CNBD1: variants seen among roughly 807,000 people sequenced by gnomAD.
CNBD1 encodes the protein cyclic nucleotide binding domain containing 1.
CNBD1 carries 71 observed loss-of-function variants against 54.4 expected under a neutral mutation model. The ratio of observed to expected loss-of-function variants is 1.30; its 90% CI spans 1.08 to 1.59. The LOEUF (loss-of-function observed/expected upper bound fraction) is 1.59, where lower values mean the gene tolerates loss of function less well. Ranked by LOEUF, CNBD1 falls within the 40% of genes most tolerant of loss-of-function variation. CNBD1 has a pLI of 0.00. For synonymous variants in CNBD1, 182 were observed against 170.7 expected (o/e 1.07, Z -0.51); for missense variants, 659 against 518.0 (o/e 1.27, Z -2.64).
intron 4 of CNBD1, among the ~76,000 whole-genome samples, chr8:87,200,250 A>G (rs1455883212): frequency 2.6e-5 from 4 of 152,136 alleles, no homozygotes; most frequent in Admixed American, 6.5e-5. Flanking sequence ...CTCACAGAAG[A>G]AATCAGTGAA....
chr8:87,086,731 G>A (rs1327277216), intron 4 of CNBD1, among the ~76,000 whole-genome samples: 1 of 152,040 alleles, frequency 6.6e-6, no homozygotes, highest in African/African-American at 2.4e-5. Flanking sequence ...AAATACAAAT[G>A]ATAAAATTGA....
chr8:86,918,723 A>G (rs1202709374), intron 3 of CNBD1, among the ~76,000 whole-genome samples: 2 of 150,566 alleles, frequency 1.3e-5, no homozygotes, highest in African/African-American at 4.9e-5. Flanking sequence ...ATCTCTTTTT[A>G]TTTATAAATT....
intron 4 of CNBD1, among the ~76,000 whole-genome samples, chr8:87,063,156 A>T (rs1483459279): frequency 6.6e-6 from 1 of 152,200 alleles, no homozygotes; most frequent in Non-Finnish European, 1.5e-5. Context: ...GTACTCAAGC[A>T]ACCCTATCAT....
chr8:87,424,734 C>T (rs1808014331), intron 2 of CNBD1, among the ~76,000 whole-genome samples: 3 of 152,200 alleles, frequency 2.0e-5, no homozygotes, highest in Non-Finnish European at 2.9e-5. Context: ...CCTGACCTTT[C>T]TCTCTGGCTG....
intron 6 of CNBD1, among the ~76,000 whole-genome samples, chr8:87,275,700 A>G (rs1048181648): frequency 6.6e-5 from 10 of 151,720 alleles, no homozygotes; most frequent in Non-Finnish European, 1.2e-4. Context: ...CCTATTCAAC[A>G]TAGTGTTGGA....
Position 87,272,823 on chromosome 8 carries a change from C to A in CNBD1, c.772-11855C>A, listed in dbSNP as rs753678969. Among the ~76,000 whole-genome samples, 4 of 151,994 alleles carry A rather than the reference C, an allele frequency of 2.6e-5. No homozygotes were observed. The East Asian group carries it at 7.7e-4, about 29-fold the overall frequency. ...TTAAGTTTTTAATAAACCTTATGTG[C>A]TAACTTTAAAAAATTTATGATTATT... On this transcript the variant is annotated intron_variant, in intron 6 of 10. Transcript: ENST00000518476.
chr8:87,254,892 T>A (rs1271587846), intron 6 of CNBD1, among the ~76,000 whole-genome samples: 1 of 152,196 alleles, frequency 6.6e-6, no homozygotes, highest in Non-Finnish European at 1.5e-5. Context: ...ATATTTAGCT[T>A]GCTAAATTAA....
Position 87,280,097 on chromosome 8 carries a change from T to G in CNBD1, c.772-4581T>G, listed in dbSNP as rs191027913. ...CCCTCAGACAATGGAATGCGTTAGGTCCCCATCAGATTCTCACATTCAGTT... is the reference window on the plus strand; with the variant it reads ...CCCTCAGACAATGGAATGCGTTAGGGCCCCATCAGATTCTCACATTCAGTT... On this transcript the variant is annotated intron_variant, in intron 6 of 10. Coordinates refer to ENST00000518476, the MANE Select transcript of CNBD1 (RefSeq NM_173538.3). 2.3e-3 allele frequency among the ~76,000 whole-genome samples: 350 copies of G among 151,644 alleles called. 1 individual carries two copies. Among genetic ancestry groups the G allele is most frequent in the Middle Eastern group, 6.8e-3 (2 of 294 alleles).
chr8:86,979,130 T>C lies in CNBD1; in HGVS notation c.431+39376T>C, dbSNP rs1808409639. 2.0e-5 allele frequency among the ~76,000 whole-genome samples: 3 copies of C among 152,104 alleles called. No homozygotes were observed. The South Asian group carries it at 6.2e-4, about 32-fold the overall frequency. On this transcript the variant is annotated intron_variant, in intron 4 of 10. Coordinates refer to ENST00000518476, the MANE Select transcript of CNBD1 (RefSeq NM_173538.3). ...GGGAGTTATTCACAAAATCAAAATT[T>C]TCAAAAAGTTTATATTTTCCCTTTG...
At chr8:87,420,204 A>G (rs113666399) in intron 2 of CNBD1, among the ~76,000 whole-genome samples, 2,281 of 152,026 alleles carry the variant, frequency 0.015, 59 homozygotes, top group African/African-American at 0.049. Flanking sequence ...TGTTATTTCT[A>G]TCACTATCAC....
chr8:87,341,920 T>C (rs1418289471), intron 8 of CNBD1, among the ~76,000 whole-genome samples: 1 of 152,176 alleles, frequency 6.6e-6, no homozygotes, highest in African/African-American at 2.4e-5. Context: ...ATCTATGTGG[T>C]GGTTTCATGT....
chr8:87,345,204 A>T (rs1183263720), intron 8 of CNBD1, among the ~76,000 whole-genome samples: 2 of 152,156 alleles, frequency 1.3e-5, no homozygotes, highest in African/African-American at 4.8e-5. Context: ...AAGCATATAC[A>T]CTTATCTATT....
rs144162445 is a variant in CNBD1 at position 87,221,358 on chromosome 8, T to G, written c.577+15220T>G. 3.4e-3 allele frequency among the ~76,000 whole-genome samples: 524 copies of G among 152,266 alleles called. 2 individuals are homozygous for G. The highest frequency in any genetic ancestry group is 0.012 in the African/African-American group (502 of 41,562). On this transcript the variant is annotated intron_variant, in intron 5 of 10. Transcript: ENST00000518476. ...TTCTTTAAAATACTTTTTCCTGTAC[T>G]GTGCTTCTGACAAACTGGGTAATTC...
chr8:87,381,596 C>T (rs1466101347), intron 10 of CNBD1, among the ~76,000 whole-genome samples: 1 of 151,710 alleles, frequency 6.6e-6, no homozygotes, highest in Non-Finnish European at 1.5e-5. Flanking sequence ...CAGCATTATG[C>T]ATAATAGCTA....
At chr8:87,086,945 A>T (rs539536398) in intron 4 of CNBD1, among the ~76,000 whole-genome samples, 15 of 152,172 alleles carry the variant, frequency 9.9e-5, no homozygotes, top group African/African-American at 3.6e-4. Flanking sequence ...GCTTTCTCAT[A>T]AAGACAAGAA....
At chr8:87,012,229 A>G (rs1386705735) in intron 4 of CNBD1, among the ~76,000 whole-genome samples, 4 of 152,088 alleles carry the variant, frequency 2.6e-5, no homozygotes, top group Non-Finnish European at 4.4e-5. Flanking sequence ...AATGTTGGCA[A>G]TTTTGTTGGT....
At chr8:87,232,860 A>T (rs1287389597) in intron 5 of CNBD1, among the ~76,000 whole-genome samples, 2 of 152,138 alleles carry the variant, frequency 1.3e-5, no homozygotes, top group Non-Finnish European at 2.9e-5. Flanking sequence ...ATATTTGAAT[A>T]TTTATGCTTT....
At chr8:87,394,439 G>C (rs969612576) in intron 2 of CNBD1, among the ~76,000 whole-genome samples, 1 of 151,572 alleles carries the variant, frequency 6.6e-6, no homozygotes, top group Non-Finnish European at 1.5e-5. Context: ...TTTTTATCTT[G>C]TTTGTCACCA....
intron 4 of CNBD1, among the ~76,000 whole-genome samples, chr8:87,137,177 A>G (rs1812271622): frequency 7.2e-6 from 1 of 139,702 alleles, no homozygotes; most frequent in South Asian, 2.2e-4. Context: ...TATATATTAT[A>G]TTTTTATTCT....
Sources: gnomAD v4.1 joint callset for allele counts (sites outside exome capture counted in the v4.1 genomes callset) on GRCh38, gnomAD v4.1.1 for gene constraint, MANE v1.5 for transcripts, NCBI Gene and HGNC (gene_info 2026-07-23, HGNC 2026-07-21) for gene names.